Variants in GALNTL6 observed in about 807,000 individuals in gnomAD.
GALNTL6 encodes polypeptide N-acetylgalactosaminyltransferase-like 6.
Under a neutral mutation model 73.7 loss-of-function variants are expected in GALNTL6, and 46 were observed. The observed-to-expected ratio is 0.62, with a 90% CI of 0.49 to 0.80. GALNTL6 has a LOEUF of 0.80. GALNTL6 is among the 30% of genes least tolerant of loss of function. The pLI is 0.00. For synonymous variants in GALNTL6, 259 were observed against 263.7 expected (o/e 0.98, Z 0.17); for missense variants, 604 against 755.0 (o/e 0.80, Z 2.34).
At chr4:172,405,425 ATATATATATATATATATATTTTTTTT>A (rs1212370516) in intron 5 of GALNTL6, among the ~76,000 whole-genome samples, 5 of 114,206 alleles carry the variant, frequency 4.4e-5, no homozygotes, top group Admixed American at 1.8e-4. Flanking sequence ...ATATATATAT[ATATATATATATATATATATTTTTTTT>A]TTTTTTTTTT....
intron 2 of GALNTL6, among the ~76,000 whole-genome samples, chr4:172,228,025 A>C (rs13124036): frequency 6.6e-6 from 1 of 151,936 alleles, no homozygotes; most frequent in Non-Finnish European, 1.5e-5. Context: ...TCACTGTAAG[A>C]GCATGGCTGA....
chr4:172,815,677 T>G (rs541482107), intron 7 of GALNTL6, among the ~76,000 whole-genome samples: 3 of 152,306 alleles, frequency 2.0e-5, no homozygotes, highest in South Asian at 4.1e-4. Context: ...ACTATGGCTA[T>G]TACAATATCA....
intron 2 of GALNTL6, among the ~76,000 whole-genome samples, chr4:171,823,590 CATAT>C (rs5864096): frequency 2.0e-5 from 3 of 148,808 alleles, no homozygotes; most frequent in Non-Finnish European, 3.0e-5. Context: ...TACACACACA[CATAT>C]ATATATATAT....
intron 7 of GALNTL6, among the ~76,000 whole-genome samples, chr4:172,868,020 A>G (rs1744745219): frequency 6.6e-6 from 1 of 152,172 alleles, no homozygotes; most frequent in Non-Finnish European, 1.5e-5. Context: ...AATAAACATC[A>G]TATTACAGAG....
intron 5 of GALNTL6, among the ~76,000 whole-genome samples, chr4:172,806,940 ATT>A (rs1252634251): frequency 6.6e-6 from 1 of 152,174 alleles, no homozygotes; most frequent in African/African-American, 2.4e-5. Context: ...TTTCTTAAAT[ATT>A]TATTATTGTG....
At chr4:172,588,178 T>G (rs1371103806) in intron 5 of GALNTL6, among the ~76,000 whole-genome samples, 2 of 151,978 alleles carry the variant, frequency 1.3e-5, no homozygotes, top group Non-Finnish European at 2.9e-5. Context: ...TTTGTCCACT[T>G]CCCCCTGAAA....
chr4:172,358,165 CAG>C (rs528847158), intron 5 of GALNTL6, among the ~76,000 whole-genome samples: 15 of 152,260 alleles, frequency 9.9e-5, no homozygotes, highest in East Asian at 9.7e-4. Context: ...GCATTGGAGA[CAG>C]AGAGTCTTGA....
chr4:172,748,329 T>C (rs1737229534), intron 5 of GALNTL6, among the ~76,000 whole-genome samples: 1 of 151,948 alleles, frequency 6.6e-6, no homozygotes, highest in Admixed American at 6.6e-5. Flanking sequence ...ACTGGGACAA[T>C]TTAGACCCAC....
intron 2 of GALNTL6, among the ~76,000 whole-genome samples, chr4:171,921,518 T>A (rs1737786376): frequency 1.3e-5 from 2 of 152,110 alleles, no homozygotes; most frequent in Non-Finnish European, 2.9e-5. Context: ...CAAGATATTA[T>A]GCCATAGGTG....
chr4:172,044,406 G>C (rs1469282037), intron 2 of GALNTL6, among the ~76,000 whole-genome samples: 1 of 151,820 alleles, frequency 6.6e-6, no homozygotes, highest in Non-Finnish European at 1.5e-5. Flanking sequence ...TATTTTTGGT[G>C]TTATATTTCC....
chr4:171,901,252 G>A (rs1737084841), intron 2 of GALNTL6, among the ~76,000 whole-genome samples: 1 of 152,154 alleles, frequency 6.6e-6, no homozygotes, highest in Non-Finnish European at 1.5e-5. Flanking sequence ...AAATCTTGGT[G>A]ACAAGAGACT....
At chr4:171,958,404 T>C (rs1233293306) in intron 2 of GALNTL6, among the ~76,000 whole-genome samples, 1 of 152,182 alleles carries the variant, frequency 6.6e-6, no homozygotes, top group Admixed American at 6.5e-5. Context: ...GGACGGAATA[T>C]GCATTGAAGG....
chr4:171,982,794 C>A (rs1043981361), intron 2 of GALNTL6, among the ~76,000 whole-genome samples: 1 of 152,114 alleles, frequency 6.6e-6, no homozygotes, highest in African/African-American at 2.4e-5. Context: ...AAAATAGGAT[C>A]TTAGGACCTC....
At chr4:172,686,841 T>C (rs1732946258) in intron 5 of GALNTL6, among the ~76,000 whole-genome samples, 1 of 152,230 alleles carries the variant, frequency 6.6e-6, no homozygotes, top group Non-Finnish European at 1.5e-5. Context: ...TATCCATGGT[T>C]GACATAATGT....
At chr4:171,994,445 C>T (rs961601267) in intron 2 of GALNTL6, among the ~76,000 whole-genome samples, 2 of 152,040 alleles carry the variant, frequency 1.3e-5, no homozygotes, top group African/African-American at 4.8e-5. Context: ...TCCTAATGAA[C>T]ATGGGTACTC....
chr4:172,129,076 G>A (rs1324472081), intron 2 of GALNTL6, among the ~76,000 whole-genome samples: 1 of 152,172 alleles, frequency 6.6e-6, no homozygotes, highest in Non-Finnish European at 1.5e-5. Context: ...TGTCTAGATT[G>A]TTGGTTGCTA....
intron 5 of GALNTL6, among the ~76,000 whole-genome samples, chr4:172,758,843 A>G (rs1021787847): frequency 6.6e-6 from 1 of 152,328 alleles, no homozygotes; most frequent in Admixed American, 6.5e-5. Context: ...CATAGTATAT[A>G]TAAGGCTCAG....
chr4:172,447,589 A>T (rs992615212), intron 5 of GALNTL6, among the ~76,000 whole-genome samples: 8 of 152,210 alleles, frequency 5.3e-5, no homozygotes, highest in African/African-American at 1.9e-4. Context: ...CATACTATAA[A>T]TGTAAATGAT....
At chr4:173,027,186 G>A (rs750055442) in intron 12 of GALNTL6, among the ~76,000 whole-genome samples, 5 of 152,094 alleles carry the variant, frequency 3.3e-5, no homozygotes, top group South Asian at 2.1e-4. Flanking sequence ...GTTTCACCAC[G>A]TTGGCCAGGC....
Sources: allele counts gnomAD v4.1 joint callset (sites outside exome capture counted in the v4.1 genomes callset), GRCh38; gene constraint gnomAD v4.1.1; transcripts MANE v1.5; gene names NCBI Gene and HGNC (gene_info 2026-07-23, HGNC 2026-07-21).